Variants in GSDME observed in about 807,000 individuals in gnomAD.
GSDME encodes gasdermin E, also known as gasdermin-E.
GSDME carries 44 observed loss-of-function variants against 47.5 expected under a neutral mutation model. The observed-to-expected ratio is 0.93, with a 90% CI of 0.73 to 1.19. The LOEUF is 1.19. Ranked by LOEUF, GSDME falls within the 50% of genes most tolerant of loss-of-function variation. GSDME has a pLI of 0.00. For synonymous variants in GSDME, 258 were observed against 252.8 expected (o/e 1.02, Z -0.20); for missense variants, 663 against 604.2 (o/e 1.10, Z -1.02).
rs142321156 is a variant in GSDME, at chr7:24,700,688, T to C, written c.1258-1429A>G. On this transcript the variant is annotated intron_variant, in intron 9 of 9. Transcript: ENST00000645220. The stretch of plus-strand genomic sequence containing the variant: ...TTCGCCAAATACAACTCACACAATG[T>C]AACCACAGGCTTAACGTTACCATTA... 7.2e-4 allele frequency among the ~76,000 whole-genome samples: 110 copies of C among 152,322 alleles called. 1 individual carries two copies. In the East Asian group the frequency reaches 0.015, roughly 21 times the overall value.
rs749474334 is a variant in GSDME at position 24,699,013 on chromosome 7, T to C, written c.*13A>G. 2 of 1,576,126 alleles carry C rather than the reference T, an allele frequency of 1.3e-6. No homozygotes were observed. Among genetic ancestry groups the C allele is most frequent in the Non-Finnish European group, 1.7e-6 (2 of 1,146,196 alleles). ...CTTGGCCAGTAACACGTACTTCTAG[T>C]TCACATATGACATCATGAATGTTCT... On this transcript the variant is annotated 3_prime_UTR_variant, in exon 10 of 10. Coordinates refer to ENST00000645220, the MANE Select transcript of GSDME (RefSeq NM_001127453.2).
intron 1 of GSDME, among the ~76,000 whole-genome samples, chr7:24,752,482 C>T (rs78436753): frequency 0.09 from 13,674 of 152,208 alleles, 755 homozygotes; most frequent in Admixed American, 0.12. Flanking sequence ...AAGATGACAA[C>T]GCTCTGGACT....
intron 5 of GSDME, chr7:24,715,572 G>A (rs1465258116): frequency 2.2e-6 from 1 of 456,702 alleles, no homozygotes; most frequent in East Asian, 7.3e-5. Context: ...GACATAGGGG[G>A]GCTAGAAACC....
chr7:24,762,873 T>C (rs754987566), upstream of GSDME, among the ~76,000 whole-genome samples: 26 of 152,168 alleles, frequency 1.7e-4, no homozygotes, highest in Non-Finnish European at 3.8e-4. Context: ...AGAACCACAG[T>C]CCTCATTCCT....
At chr7:24,764,008 T>A in the GSDME span, among the ~76,000 whole-genome samples, 1 of 152,232 alleles carries the variant, frequency 6.6e-6, no homozygotes, top group Non-Finnish European at 1.5e-5. This position sits in a 1 kb window ranked among gnomAD's most constrained non-coding sequence, Gnocchi z 4.4. Flanking sequence ...TTCCAAGAGT[T>A]ATCTAAGAAT....
In GSDME at chr7:24,732,014, C is replaced by T. The variant is rs1365293278; in HGVS notation, c.404+12548G>A. 6.6e-6 allele frequency among the ~76,000 whole-genome samples: 1 copy of T among 152,200 alleles called. No homozygotes were observed. Among genetic ancestry groups the T allele is most frequent in the Non-Finnish European group, 1.5e-5 (1 of 68,030 alleles). On this transcript the variant is annotated intron_variant, in intron 3 of 9. Coordinates refer to ENST00000645220, the MANE Select transcript of GSDME (RefSeq NM_001127453.2). This position sits in a 1 kb window ranked among gnomAD's most constrained non-coding sequence, Gnocchi z 4.8. ...GCATAAAGAGGTACTGCCAGCCCCT[C>T]CCATCCCAGACCTTGGGATGCCCCG...
chr7:24,708,076 G>T, intron 7 of GSDME, 51 bp downstream of exon 7: 1 of 1,610,560 alleles, frequency 6.2e-7, no homozygotes, highest in Non-Finnish European at 8.5e-7. Flanking sequence ...CTCCTCCCCT[G>T]TTCCAGAAAA....
At chr7:24,710,937 C>T (rs1281023071) in intron 5 of GSDME, among the ~76,000 whole-genome samples, 3 of 152,074 alleles carry the variant, frequency 2.0e-5, no homozygotes, top group African/African-American at 7.2e-5. Context: ...AAATGGCAAA[C>T]ACAAAAGAAT....
chr7:24,792,576 G>C, the GSDME span, among the ~76,000 whole-genome samples: 1 of 152,216 alleles, frequency 6.6e-6, no homozygotes, highest in Admixed American at 6.5e-5. Context: ...TAGATGGTCA[G>C]CAATAGAGCC....
Position 24,733,795 on chromosome 7 carries a change from A to G in GSDME, c.404+10767T>C, listed in dbSNP as rs183969415. Among the ~76,000 whole-genome samples the G allele has an allele frequency of 6.6e-6, 1 of 152,012 alleles. No individual in the cohort carries two copies. Among genetic ancestry groups the G allele is most frequent in the Non-Finnish European group, 1.5e-5 (1 of 67,988 alleles). ...ACCACATAGATTTCTAAGGTTTCCA[A>G]CTCGAGGCCCTGACTCCTGGACAGC... On this transcript the variant is annotated intron_variant, in intron 3 of 9. Coordinates refer to ENST00000645220, the MANE Select transcript of GSDME (RefSeq NM_001127453.2). This position sits in a 1 kb window ranked among gnomAD's most constrained non-coding sequence, Gnocchi z 4.3.
chr7:24,708,364 T>G, intron 6 of GSDME, 110 bp from the exon 7 acceptor site: 1 of 1,303,154 alleles, frequency 7.7e-7, no homozygotes, highest in Non-Finnish European at 1.1e-6. Context: ...TTCATGGATA[T>G]TCCCAGCTGC....
chr7:24,711,311 C>T (rs1336826548), intron 5 of GSDME, among the ~76,000 whole-genome samples: 1 of 152,102 alleles, frequency 6.6e-6, no homozygotes, highest in Non-Finnish European at 1.5e-5. Context: ...TCACTACAAC[C>T]TCCGTTTGCT....
the GSDME span, among the ~76,000 whole-genome samples, chr7:24,791,885 C>T: frequency 7.2e-4 from 110 of 152,318 alleles, no homozygotes; most frequent in African/African-American, 2.4e-3. The surrounding 1 kb of genome is among the most constrained non-coding windows in gnomAD (Gnocchi z 4.8). Context: ...GTGAGAGACA[C>T]GAAGTGAACT....
rs575968151 is a variant in GSDME, at chr7:24,733,683, A to C, written c.404+10879T>G. Among the ~76,000 whole-genome samples the C allele has an allele frequency of 6.6e-6, 1 of 152,214 alleles. No homozygotes were observed. The highest frequency in any genetic ancestry group is 6.5e-5 in the Admixed American group (1 of 15,304). ...TGTAGTGCTGGTGGACATGGGTGAG[A>C]GTCCTCTGCCTGGGGAAAGGAGAGG... On this transcript the variant is annotated intron_variant, in intron 3 of 9. Transcript: ENST00000645220. This position sits in a 1 kb window ranked among gnomAD's most constrained non-coding sequence, Gnocchi z 4.3.
At chr7:24,794,264 TTCTC>T in the GSDME span, among the ~76,000 whole-genome samples, 8 of 147,482 alleles carry the variant, frequency 5.4e-5, no homozygotes, top group Admixed American at 2.0e-4. Context: ...GCCTCTTTTC[TTCTC>T]TCTCTCTCTT....
the GSDME span, among the ~76,000 whole-genome samples, chr7:24,789,301 C>T: frequency 1.3e-5 from 2 of 151,886 alleles, no homozygotes; most frequent in Non-Finnish European, 2.9e-5. Context: ...TGTAGCAGGA[C>T]GAGCCACAGA....
rs1788761504 is a variant in GSDME, at chr7:24,699,242, A to G, written c.1275T>C (p.Asp425=). The change falls in exon 10 of 10, where the codon GAT becomes GAC. Residue 425 remains aspartate (D), a synonymous_variant. Coordinates refer to ENST00000645220, the MANE Select transcript of GSDME (RefSeq NM_001127453.2). ...GGTCTTCAAGATCAGATACTCCATC[A>G]TCAGACAGAGCACGAAGCTGAAATG... ...TLCHLLRALS[D]DGVSDLEDPT... 1.2e-6 allele frequency: 2 copies of G among 1,613,258 alleles called. No individual in the cohort carries two copies. Among genetic ancestry groups the G allele is most frequent in the Non-Finnish European group, 1.7e-6 (2 of 1,179,144 alleles).
chr7:24,766,439 G>GCT, the GSDME span, among the ~76,000 whole-genome samples: 1 of 152,008 alleles, frequency 6.6e-6, no homozygotes, highest in Non-Finnish European at 1.5e-5. This position sits in a 1 kb window ranked among gnomAD's most constrained non-coding sequence, Gnocchi z 4.2. Flanking sequence ...TTCTCCTAAT[G>GCT]CTCTCCCTCC....
At chr7:24,704,827 CT>C (rs1463414044) in intron 8 of GSDME, 1 of 152,038 alleles carries the variant, frequency 6.6e-6, no homozygotes, top group African/African-American at 2.4e-5. Context: ...GTAGCTGGGA[CT>C]ACAGAGGTAC....
Sources: allele counts gnomAD v4.1 joint callset (sites outside exome capture counted in the v4.1 genomes callset), GRCh38; gene constraint gnomAD v4.1.1; non-coding constraint Gnocchi (gnomAD v3.1); transcripts MANE v1.5; gene names NCBI Gene and HGNC (gene_info 2026-07-23, HGNC 2026-07-21).